The following ANAPC1 variants were observed in gnomAD, a reference collection of about 807,000 sequenced individuals.
The protein encoded by ANAPC1 is anaphase-promoting complex subunit 1.
Under a neutral mutation model 208.0 loss-of-function variants are expected in ANAPC1, and 36 were observed. That is an observed-to-expected ratio of 0.17 (90% confidence interval 0.13 to 0.23). The LOEUF is 0.23. Among genes scored for constraint, ANAPC1 ranks in the 10% least tolerant of loss-of-function variants. ANAPC1 has a pLI of 1.00. For synonymous variants in ANAPC1, 378 were observed against 695.2 expected, an observed-to-expected ratio of 0.54 and a Z score of 7.18; for missense variants, 942 against 2,011.6, an observed-to-expected ratio of 0.47 and a Z score of 10.17.
intron 17 of ANAPC1, 76 bp from the exon 18 acceptor site, chr2:111,838,588 A>C: frequency 1.6e-6 from 2 of 1,276,178 alleles, no homozygotes; most frequent in Non-Finnish European, 2.2e-6. Context: ...AAGGATTCAG[A>C]AATCAGTTCT....
chr2:111,843,749 T>C, intron 16 of ANAPC1, 150 bp from the exon 17 acceptor site: 1 of 588,484 alleles, frequency 1.7e-6, no homozygotes, highest in Non-Finnish European at 2.9e-6. Flanking sequence ...ATGCAAACAT[T>C]ACCTAACCAA....
intron 2 of ANAPC1, among the ~76,000 whole-genome samples, chr2:111,880,316 G>A (rs969328815): frequency 6.6e-6 from 1 of 152,088 alleles, no homozygotes; most frequent in Non-Finnish European, 1.5e-5. Flanking sequence ...AGGTTGCGGT[G>A]AGCCAAGATC....
At chr2:111,853,208 C>G (rs998108646) in intron 13 of ANAPC1, among the ~76,000 whole-genome samples, 5 of 152,124 alleles carry the variant, frequency 3.3e-5, no homozygotes, top group Non-Finnish European at 1.5e-5. Flanking sequence ...TTCTTTCCAT[C>G]CTTTAACTTA....
chr2:111,841,122 T>C (rs1680737834), intron 17 of ANAPC1, among the ~76,000 whole-genome samples: 2 of 152,182 alleles, frequency 1.3e-5, no homozygotes, highest in Admixed American at 6.5e-5. Flanking sequence ...AATTCCTTCA[T>C]GTGCTGAAAT....
At chr2:111,811,009 G>A (rs1017642523) in intron 28 of ANAPC1, among the ~76,000 whole-genome samples, 2 of 152,068 alleles carry the variant, frequency 1.3e-5, no homozygotes, top group Non-Finnish European at 2.9e-5. Context: ...TCTGGTGTTG[G>A]GAATGTTGGC....
chr2:111,790,083 T>C (rs1262019698), intron 38 of ANAPC1, among the ~76,000 whole-genome samples: 68 of 152,230 alleles, frequency 4.5e-4, no homozygotes, highest in Admixed American at 1.6e-3. Flanking sequence ...AAGCTCAGTC[T>C]TAAAGAAGAG....
chr2:111,829,057 T>C (rs561450116), intron 21 of ANAPC1, among the ~76,000 whole-genome samples: 9 of 152,072 alleles, frequency 5.9e-5, no homozygotes, highest in Non-Finnish European at 1.3e-4. Context: ...CTACTAAAAA[T>C]ACAAAAATTA....
chr2:111,769,729 T>C (rs1388908284), intron 47 of ANAPC1, among the ~76,000 whole-genome samples: 2 of 139,280 alleles, frequency 1.4e-5, no homozygotes, highest in Non-Finnish European at 3.1e-5. Context: ...CCACCGGGGC[T>C]GGAGTGCAGT....
At chr2:111,839,460 A>C (rs1680641993) in intron 17 of ANAPC1, among the ~76,000 whole-genome samples, 1 of 152,124 alleles carries the variant, frequency 6.6e-6, no homozygotes, top group South Asian at 2.1e-4. Context: ...TCAACTAATA[A>C]ACTGTAACTC....
chr2:111,784,510 A>G, intron 40 of ANAPC1, 110 bp from the exon 41 acceptor site: 1 of 1,409,480 alleles, frequency 7.1e-7, no homozygotes, highest in South Asian at 1.2e-5. Context: ...TCATACAGAG[A>G]CCTTTAAATG....
chr2:111,770,201 T>TTATATATATATATATA (rs3055943), intron 47 of ANAPC1, among the ~76,000 whole-genome samples: 9 of 81,544 alleles, frequency 1.1e-4, no homozygotes, highest in African/African-American at 4.3e-4. Flanking sequence ...TTGTTTAATT[T>TTATATATATATATATA]TATATATATA....
rs1254510188 is a variant in ANAPC1 at position 111,856,856 on chromosome 2, T to C, written c.1389A>G (p.Lys463=). ...TCACTGAACCAAAGATGAGCTGGGTTTTATCATTACTCTCTTGAAACTTTA... is the reference window on the plus strand; with the variant it reads ...TCACTGAACCAAAGATGAGCTGGGTCTTATCATTACTCTCTTGAAACTTTA... ...RCVKFQESND[K]TQLIFGSVTN... The change falls in exon 12 of 48, where the codon AAA becomes AAG. Residue 463 remains lysine, a synonymous_variant. Coordinates refer to ENST00000341068, the MANE Select transcript of ANAPC1 (RefSeq NM_022662.4). 2 of 1,612,090 alleles carry C rather than the reference T, an allele frequency of 1.2e-6. No homozygotes were observed. Among genetic ancestry groups the C allele is most frequent in the Non-Finnish European group, 1.7e-6 (2 of 1,179,840 alleles).
chr2:111,836,655 AAAAAG>A (rs1680485757), intron 18 of ANAPC1, among the ~76,000 whole-genome samples: 1 of 151,852 alleles, frequency 6.6e-6, no homozygotes, highest in Non-Finnish European at 1.5e-5. Context: ...TCTTAAAAAA[AAAAAG>A]AAAAGAAATG....
chr2:111,855,003 T>G (rs190093715), intron 13 of ANAPC1, among the ~76,000 whole-genome samples: 4 of 152,324 alleles, frequency 2.6e-5, no homozygotes, highest in African/African-American at 9.6e-5. Context: ...CCTTCCTCAC[T>G]AAGCTTAATC....
chr2:111,860,769 T>A (rs1275627610), intron 10 of ANAPC1, among the ~76,000 whole-genome samples: 1 of 151,932 alleles, frequency 6.6e-6, no homozygotes, highest in African/African-American at 2.4e-5. Flanking sequence ...CTTCAGTTCC[T>A]AGCCCTCTTC....
Position 111,825,814 on chromosome 2 carries a change from A to G in ANAPC1, c.2667T>C (p.Ser889=). ...TGGTTAAATACTGTGAGGATTCATC[A>G]GAAACCAAGCTCTCATCACCAAGTA... ...LYILGDESLV[S]DESSQYLTRI... is the part of the protein sequence containing the mutation. Residue 889 remains serine (S), a synonymous_variant, in exon 22 of 48, where the codon TCT becomes TCC. Transcript: ENST00000341068. 6.2e-7 allele frequency: 1 copy of G among 1,613,828 alleles called. No homozygotes were observed. Among genetic ancestry groups the G allele is most frequent in the Non-Finnish European group, 8.5e-7 (1 of 1,179,736 alleles).
chr2:111,829,022 C>T (rs962180920), intron 21 of ANAPC1, among the ~76,000 whole-genome samples: 2 of 152,188 alleles, frequency 1.3e-5, no homozygotes, highest in African/African-American at 4.8e-5. Context: ...CAAGACCAGC[C>T]TGGCCAACAT....
chr2:111,767,194 C>T (rs577593943), downstream of ANAPC1, among the ~76,000 whole-genome samples: 6 of 149,932 alleles, frequency 4.0e-5, no homozygotes, highest in East Asian at 5.9e-4. Flanking sequence ...TCCTCACCAG[C>T]GTCTGCCTCT....
intron 16 of ANAPC1, among the ~76,000 whole-genome samples, chr2:111,846,557 ATATTTTTTTTTTTT>A (rs1266714110): frequency 1.9e-5 from 1 of 53,012 alleles, no homozygotes; most frequent in African/African-American, 7.9e-5. Flanking sequence ...ATATATATAT[ATATTTTTTTTTTTT>A]TTTTTTTTTT....
Sources: gnomAD v4.1 joint callset for allele counts (sites outside exome capture counted in the v4.1 genomes callset) on GRCh38, gnomAD v4.1.1 for gene constraint, MANE v1.5 for transcripts, NCBI Gene and HGNC (gene_info 2026-07-23, HGNC 2026-07-21) for gene names.